ATP8B1: variants seen among roughly 807,000 people sequenced by gnomAD.
ATP8B1 encodes phospholipid-transporting ATPase IC.
Under a neutral mutation model 149.9 loss-of-function variants are expected in ATP8B1, and 80 were observed. That is an observed-to-expected ratio of 0.53 (90% CI 0.45 to 0.64). The LOEUF (loss-of-function observed/expected upper bound fraction) is 0.64, where lower values mean the gene tolerates loss of function less well. Ranked by LOEUF, ATP8B1 falls within the 30% of genes least tolerant of loss-of-function variation. The pLI, the probability that ATP8B1 is intolerant of heterozygous loss-of-function variation, is 0.00. For missense variants in ATP8B1, 1,247 were observed against 1,552.6 expected (o/e 0.80, Z 3.31); for synonymous variants, 536 against 562.8 (o/e 0.95, Z 0.67).
chr18:57,667,060 T>C lies in ATP8B1; in HGVS notation c.2285+32A>G, dbSNP rs35916832. 1,768 of 1,553,932 alleles carry C rather than the reference T, an allele frequency of 1.1e-3. 14 individuals are homozygous for C. The highest frequency in any genetic ancestry group is 8.2e-3 in the Middle Eastern group (49 of 5,966). ...TCTTGCATTTGCAAAGATGAGCTAT[T>C]ACGTAATTTCATACTGCAGGCTTTT... On this transcript the variant is annotated intron_variant, in intron 20 of 27. Transcript: ENST00000648908.
At chr18:57,794,400 A>G (rs1041518222) in intron 1 of ATP8B1, among the ~76,000 whole-genome samples, 3 of 151,210 alleles carry the variant, frequency 2.0e-5, no homozygotes, top group Non-Finnish European at 1.5e-5. Context: ...GCCATGCTAC[A>G]GTCTGTAACT....
chr18:57,782,999 G>T (rs577165165), intron 1 of ATP8B1, among the ~76,000 whole-genome samples: 1 of 151,750 alleles, frequency 6.6e-6, no homozygotes, highest in African/African-American at 2.4e-5. Flanking sequence ...TTTTAGTAGC[G>T]ACAGGGTTTC....
chr18:57,676,249 C>T (rs1911577654), intron 15 of ATP8B1, among the ~76,000 whole-genome samples: 1 of 151,962 alleles, frequency 6.6e-6, no homozygotes, highest in South Asian at 2.1e-4. Context: ...CAGCCTTGAT[C>T]GCTTCAGGCG....
At chr18:57,718,966 G>A (rs760016133) in intron 2 of ATP8B1, among the ~76,000 whole-genome samples, 2 of 152,208 alleles carry the variant, frequency 1.3e-5, no homozygotes, top group Non-Finnish European at 2.9e-5. Flanking sequence ...TCTGGAACAT[G>A]TCAAGGATGC....
chr18:57,652,445 A>T (rs1356523538), intron 25 of ATP8B1, 39 bp downstream of exon 25: 1 of 1,613,394 alleles, frequency 6.2e-7, no homozygotes, highest in Non-Finnish European at 8.5e-7. Flanking sequence ...ATAAGTAGGT[A>T]CCAATAGACA....
At chr18:57,761,059 A>G (rs2080147940) in intron 1 of ATP8B1, among the ~76,000 whole-genome samples, 1 of 143,368 alleles carries the variant, frequency 7.0e-6, no homozygotes, top group African/African-American at 2.6e-5. Context: ...AATAACATAA[A>G]ATAACATAAA....
chr18:57,692,796 T>G (rs73439187), intron 11 of ATP8B1, among the ~76,000 whole-genome samples: 5,073 of 152,192 alleles, frequency 0.033, 303 homozygotes, highest in African/African-American at 0.12. Context: ...AGGTGTAATG[T>G]CATAAGTATT....
intron 1 of ATP8B1, among the ~76,000 whole-genome samples, chr18:57,787,510 CGGGTGGAGCTCCATCTAGGACACTGT>C (rs1568071768): frequency 5.3e-5 from 8 of 151,696 alleles, no homozygotes; most frequent in African/African-American, 1.7e-4. Context: ...TAGAACAATG[CGGGTGGAGCTCCATCTAGGACACTGT>C]GGGTGGAGCT....
At chr18:57,765,073 G>T (rs943787466) in intron 1 of ATP8B1, among the ~76,000 whole-genome samples, 1 of 152,214 alleles carries the variant, frequency 6.6e-6, no homozygotes, top group Non-Finnish European at 1.5e-5. Flanking sequence ...TACACAAAAT[G>T]TGGTATAGAG....
At chr18:57,654,845 C>T (rs1033816515) in intron 23 of ATP8B1, among the ~76,000 whole-genome samples, 1 of 151,842 alleles carries the variant, frequency 6.6e-6, no homozygotes, top group African/African-American at 2.4e-5. Context: ...TGCCACCACA[C>T]CCGGAAAATT....
chr18:57,732,311 G>GTGTATATA (rs1568044439), intron 1 of ATP8B1, among the ~76,000 whole-genome samples: 127 of 3,164 alleles, frequency 0.04, 52 homozygotes, highest in Admixed American at 0.11. Context: ...GTATATATGT[G>GTGTATATA]TGTATATATG....
In ATP8B1 at chr18:57,694,671, C is replaced by T; in HGVS notation, c.941-1G>A. ...TTCTTCATTATTTTAGTGTCAGCACCTGAAAATGGAAAATTCAATGTAGTC... is the reference window on the plus strand; with the variant it reads ...TTCTTCATTATTTTAGTGTCAGCACTTGAAAATGGAAAATTCAATGTAGTC... On this transcript the variant is annotated splice_acceptor_variant, in intron 10 of 27. Coordinates refer to ENST00000648908, the MANE Select transcript of ATP8B1 (RefSeq NM_001374385.1). LOFTEE classifies it high-confidence loss of function. 1.9e-6 allele frequency: 3 copies of T among 1,569,360 alleles called. No individual in the cohort carries two copies. The highest frequency in any genetic ancestry group is 2.6e-6 in the Non-Finnish European group (3 of 1,139,764).
At chr18:57,785,054 T>G (rs1050576537) in intron 1 of ATP8B1, among the ~76,000 whole-genome samples, 3 of 152,226 alleles carry the variant, frequency 2.0e-5, no homozygotes, top group African/African-American at 7.2e-5. Context: ...TTCAATTTTC[T>G]CATGTTCCGG....
chr18:57,774,512 G>C (rs2080290294), intron 1 of ATP8B1, among the ~76,000 whole-genome samples: 2 of 152,232 alleles, frequency 1.3e-5, no homozygotes, highest in South Asian at 4.1e-4. Context: ...CAGGAGAACT[G>C]CTTGAACCTG....
At chr18:57,780,504 G>A (rs1265753239) in intron 1 of ATP8B1, among the ~76,000 whole-genome samples, 2 of 152,150 alleles carry the variant, frequency 1.3e-5, no homozygotes, top group Non-Finnish European at 2.9e-5. Flanking sequence ...TGGGTGAGGG[G>A]GTGTGGAGAG....
chr18:57,771,278 T>A (rs1279240314), intron 1 of ATP8B1, among the ~76,000 whole-genome samples: 5 of 152,234 alleles, frequency 3.3e-5, no homozygotes, highest in Non-Finnish European at 5.9e-5. Context: ...TGGAGCTGTT[T>A]CTGTAGGAGT....
chr18:57,679,128 G>A (rs1201440950), intron 15 of ATP8B1, among the ~76,000 whole-genome samples: 2 of 151,672 alleles, frequency 1.3e-5, no homozygotes, highest in African/African-American at 4.8e-5. Context: ...CTACTTGGGA[G>A]GCTGAGGCAG....
intron 2 of ATP8B1, chr18:57,731,305 CA>C: frequency 7.4e-6 from 1 of 134,444 alleles, no homozygotes; most frequent in Non-Finnish European, 1.6e-5. Flanking sequence ...GACCCTGCCT[CA>C]AAATATATAT....
Position 57,780,228 on chromosome 18 carries a change from G to A in ATP8B1, c.-26+22770C>T, listed in dbSNP as rs377540036. Among the ~76,000 whole-genome samples the A allele has an allele frequency of 6.1e-4, 93 of 152,318 alleles. 2 individuals are homozygous for A. In the South Asian group the frequency reaches 8.3e-3, roughly 14 times the overall value. On this transcript the variant is annotated intron_variant, in intron 1 of 27. Transcript: ENST00000648908. ...AGTTTTTAATCTTTTGCTCACTTGA[G>A]TAAATCCTTGAAAGGATTAAAAAAT...
Sources: allele counts gnomAD v4.1 joint callset (sites outside exome capture counted in the v4.1 genomes callset), GRCh38; gene constraint gnomAD v4.1.1; transcripts MANE v1.5; gene names NCBI Gene and HGNC (gene_info 2026-07-23, HGNC 2026-07-21).